Variants in ARHGAP15 observed in about 807,000 individuals in gnomAD.
The protein encoded by ARHGAP15 is Rho GTPase activating protein 15.
ARHGAP15 carries 51 observed loss-of-function variants against 63.7 expected under a neutral mutation model. The ratio of observed to expected loss-of-function variants is 0.80; its 90% CI spans 0.64 to 1.01. The LOEUF is 1.01. ARHGAP15 is among the 50% of genes least tolerant of loss of function. The pLI is 0.00. For synonymous variants in ARHGAP15, 191 were observed against 193.8 expected (o/e 0.99, Z 0.12); for missense variants, 560 against 564.6 (o/e 0.99, Z 0.08).
At chr2:143,761,746 A>G (rs1686766852) in intron 13 of ARHGAP15, among the ~76,000 whole-genome samples, 1 of 152,184 alleles carries the variant, frequency 6.6e-6, no homozygotes. Flanking sequence ...CCGGGGGTCC[A>G]ACATCTGTAG....
At chr2:143,336,283 A>G (rs1684769721) in intron 6 of ARHGAP15, among the ~76,000 whole-genome samples, 1 of 152,180 alleles carries the variant, frequency 6.6e-6, no homozygotes, top group Non-Finnish European at 1.5e-5. Flanking sequence ...AGAGGAAACC[A>G]CTGAAGGGCA....
In ARHGAP15 at chr2:143,710,893, A is replaced by G. The variant is rs1335669052; in HGVS notation, c.1244+7369A>G. Among the ~76,000 whole-genome samples, 6 of 152,238 alleles carry G rather than the reference A, an allele frequency of 3.9e-5. No individual in the cohort carries two copies. The East Asian group carries it at 1.2e-3, about 29-fold the overall frequency. On this transcript the variant is annotated intron_variant, in intron 13 of 13. Transcript: ENST00000295095. ...CTTTTGTTCAGGTGTTAATTAAGTC[A>G]AATAAATTCATATTTGTGAAAATGT...
chr2:143,634,447 T>C (rs1680202643), intron 12 of ARHGAP15, among the ~76,000 whole-genome samples: 1 of 152,138 alleles, frequency 6.6e-6, no homozygotes, highest in East Asian at 1.9e-4. Context: ...ACCATGGCAA[T>C]TGTAAAAAGA....
intron 6 of ARHGAP15, among the ~76,000 whole-genome samples, chr2:143,267,068 G>A (rs1194681585): frequency 6.6e-6 from 1 of 152,146 alleles, no homozygotes; most frequent in African/African-American, 2.4e-5. Context: ...ATGGGACTAA[G>A]GAAGTCACAG....
chr2:143,337,767 A>T (rs1459486469), intron 6 of ARHGAP15, among the ~76,000 whole-genome samples: 2 of 152,218 alleles, frequency 1.3e-5, no homozygotes, highest in Non-Finnish European at 2.9e-5. Context: ...TGTGCTGCTT[A>T]TTCGATAGCA....
At position 143,219,852 on chromosome 2, in the gene ARHGAP15, C is replaced by T. The variant is rs376264517; in HGVS notation, c.296+3407C>T. Among the ~76,000 whole-genome samples the T allele has an allele frequency of 2.6e-5, 4 of 152,316 alleles. No homozygotes were observed. The South Asian group carries it at 8.3e-4, about 32-fold the overall frequency. On this transcript the variant is annotated intron_variant, in intron 4 of 13. Coordinates refer to ENST00000295095, the MANE Select transcript of ARHGAP15 (RefSeq NM_018460.4). ...TTTAGAGACATTCAGATTCTGCATT[C>T]TGAGTCTATTCATAAACTTTGACTA...
intron 13 of ARHGAP15, among the ~76,000 whole-genome samples, chr2:143,728,678 G>A (rs1685394358): frequency 1.3e-5 from 2 of 152,266 alleles, no homozygotes; most frequent in Middle Eastern, 3.4e-3. Context: ...CTTCTTGCTA[G>A]ACTGGAAGGA....
rs1022113414 is a variant in ARHGAP15 at position 143,514,297 on chromosome 2, G to T, written c.827-4969G>T. ...GCACATGGTAGGTGTTCACTAAATA[G>T]TCACTGAATGGAATTGGATGGAATT... is the stretch of plus-strand genomic sequence containing the variant. On this transcript the variant is annotated intron_variant, in intron 9 of 13. Coordinates refer to ENST00000295095, the MANE Select transcript of ARHGAP15 (RefSeq NM_018460.4). Among the ~76,000 whole-genome samples, 10 of 152,138 alleles carry T rather than the reference G, an allele frequency of 6.6e-5. No individual in the cohort carries two copies. The South Asian group carries it at 1.2e-3, about 19-fold the overall frequency.
intron 11 of ARHGAP15, among the ~76,000 whole-genome samples, chr2:143,598,339 G>C (rs1697608988): frequency 6.6e-6 from 1 of 152,134 alleles, no homozygotes; most frequent in African/African-American, 2.4e-5. Flanking sequence ...GTGGCTAAAG[G>C]AGTGATCAAA....
chr2:143,167,739 T>C (rs183975842), intron 2 of ARHGAP15, among the ~76,000 whole-genome samples: 1 of 152,154 alleles, frequency 6.6e-6, no homozygotes, highest in Non-Finnish European at 1.5e-5. Context: ...CACTCTAGGG[T>C]GAAAATGATG....
intron 4 of ARHGAP15, among the ~76,000 whole-genome samples, chr2:143,219,483 G>A (rs544331780): frequency 9.2e-5 from 14 of 152,188 alleles, no homozygotes; most frequent in Admixed American, 5.2e-4. Flanking sequence ...CATCTAAGTT[G>A]CCTCTAACTC....
At chr2:143,265,795 T>A (rs973741516) in intron 6 of ARHGAP15, among the ~76,000 whole-genome samples, 1 of 152,128 alleles carries the variant, frequency 6.6e-6, no homozygotes, top group African/African-American at 2.4e-5. Context: ...TCTTTCTGAA[T>A]TTTTCTGACA....
intron 10 of ARHGAP15, among the ~76,000 whole-genome samples, chr2:143,542,661 T>TGATATATAATATCAC (rs1374203062): frequency 1.4e-5 from 2 of 144,210 alleles, no homozygotes; most frequent in East Asian, 3.9e-4. Context: ...ATATATATTA[T>TGATATATAATATCAC]ATATATGATA....
chr2:143,681,966 G>A (rs1683118296), intron 12 of ARHGAP15, among the ~76,000 whole-genome samples: 1 of 152,160 alleles, frequency 6.6e-6, no homozygotes, highest in Non-Finnish European at 1.5e-5. Context: ...GCTAAAAGTT[G>A]ACTGCAGCTA....
intron 6 of ARHGAP15, among the ~76,000 whole-genome samples, chr2:143,409,048 T>C (rs905113516): frequency 1.3e-5 from 2 of 151,986 alleles, no homozygotes; most frequent in African/African-American, 4.8e-5. Flanking sequence ...TTATGAGTGT[T>C]TGACATAGAA....
intron 1 of ARHGAP15, among the ~76,000 whole-genome samples, chr2:143,134,111 CT>C (rs1371877203): frequency 3.4e-5 from 1 of 29,760 alleles, no homozygotes; most frequent in African/African-American, 1.1e-4. Flanking sequence ...GAAAATCTAT[CT>C]ATCTATCTAT....
intron 10 of ARHGAP15, among the ~76,000 whole-genome samples, chr2:143,547,702 T>C (rs943595378): frequency 7.1e-6 from 1 of 141,334 alleles, no homozygotes; most frequent in African/African-American, 2.7e-5. Flanking sequence ...TTTTTTTTTG[T>C]AACATTTGAA....
intron 11 of ARHGAP15, among the ~76,000 whole-genome samples, chr2:143,623,830 G>A (rs1336362616): frequency 6.6e-6 from 1 of 152,248 alleles, no homozygotes; most frequent in African/African-American, 2.4e-5. Flanking sequence ...ATGTTGAGCT[G>A]TGATGCTAAT....
At chr2:143,278,491 A>G (rs1032166362) in intron 6 of ARHGAP15, among the ~76,000 whole-genome samples, 1 of 152,192 alleles carries the variant, frequency 6.6e-6, no homozygotes, top group Admixed American at 6.5e-5. Context: ...GCTTTTGAGT[A>G]GGTAACTGAG....
Sources: allele counts gnomAD v4.1 joint callset (sites outside exome capture counted in the v4.1 genomes callset), GRCh38; gene constraint gnomAD v4.1.1; transcripts MANE v1.5; gene names NCBI Gene and HGNC (gene_info 2026-07-23, HGNC 2026-07-21).